SPATA17: variants seen among roughly 807,000 people sequenced by gnomAD.
SPATA17 encodes spermatogenesis-associated protein 17.
In SPATA17, 53 loss-of-function variants were observed where a neutral mutation model predicts 62.2. The ratio of observed to expected loss-of-function variants is 0.85; its 90% confidence interval spans 0.68 to 1.07. The LOEUF (loss-of-function observed/expected upper bound fraction) is 1.07, where lower values mean the gene tolerates loss of function less well. Among genes scored for constraint, SPATA17 ranks in the 50% least tolerant of loss-of-function variants. The pLI is 0.00. For missense variants in SPATA17, 466 were observed against 425.5 expected (o/e 1.10, Z -0.84); for synonymous variants, 146 against 146.8 (o/e 0.99, Z 0.04).
At chr1:217,832,176 G>A (rs1367981778) in intron 9 of SPATA17, among the ~76,000 whole-genome samples, 1 of 151,962 alleles carries the variant, frequency 6.6e-6, no homozygotes, top group African/African-American at 2.4e-5. Flanking sequence ...CTACTTTCCA[G>A]TTCTAATAAC....
At chr1:217,635,288 A>G (rs1425372920) in intron 1 of SPATA17, among the ~76,000 whole-genome samples, 3 of 152,230 alleles carry the variant, frequency 2.0e-5, no homozygotes, top group African/African-American at 7.2e-5. Context: ...CATGTGCCCA[A>G]GGCAGTCCAG....
chr1:217,711,374 A>G (rs1275730994), intron 5 of SPATA17, among the ~76,000 whole-genome samples: 2 of 152,182 alleles, frequency 1.3e-5, no homozygotes, highest in African/African-American at 2.4e-5. Flanking sequence ...TTATGTTTAC[A>G]TATTTTCATG....
chr1:217,669,111 A>G (rs747968501), intron 4 of SPATA17, 28 bp downstream of exon 4: 2 of 1,594,414 alleles, frequency 1.3e-6, no homozygotes, highest in Admixed American at 3.4e-5. Context: ...TGTTAAACAA[A>G]TGAAAAGTCA....
At chr1:217,812,442 T>C (rs987644014) in intron 9 of SPATA17, among the ~76,000 whole-genome samples, 4 of 152,152 alleles carry the variant, frequency 2.6e-5, no homozygotes, top group African/African-American at 9.6e-5. Context: ...GTAGCATATA[T>C]ATAATTTTTG....
chr1:217,836,987 T>A (rs1675275054), intron 9 of SPATA17, among the ~76,000 whole-genome samples: 1 of 152,064 alleles, frequency 6.6e-6, no homozygotes, highest in Admixed American at 6.6e-5. Flanking sequence ...TTTAAAAAAA[T>A]TAAAGATTAA....
chr1:217,780,016 G>A (rs1033894764), intron 7 of SPATA17, among the ~76,000 whole-genome samples: 1 of 152,048 alleles, frequency 6.6e-6, no homozygotes, highest in African/African-American at 2.4e-5. Flanking sequence ...GTCAAGTTAA[G>A]TCTTGGATGA....
chr1:217,861,745 G>A (rs1302752354), intron 9 of SPATA17, among the ~76,000 whole-genome samples: 2 of 152,010 alleles, frequency 1.3e-5, no homozygotes, highest in Non-Finnish European at 2.9e-5. Flanking sequence ...TTTTATCTAA[G>A]CATTTTTATC....
intron 5 of SPATA17, among the ~76,000 whole-genome samples, chr1:217,704,123 A>G (rs1031252488): frequency 1.6e-4 from 24 of 150,268 alleles, no homozygotes; most frequent in Admixed American, 1.6e-3. Context: ...GTATAGGCAA[A>G]TTGCATGTCA....
intron 5 of SPATA17, among the ~76,000 whole-genome samples, chr1:217,724,533 A>C (rs1223351556): frequency 2.6e-5 from 4 of 152,202 alleles, no homozygotes; most frequent in Non-Finnish European, 5.9e-5. Context: ...GGTTGCAGTG[A>C]GCTGAGATTG....
chr1:217,869,167 C>T lies in SPATA17; in HGVS notation c.*2148C>T, dbSNP rs1468254852. 6.6e-6 allele frequency: 1 copy of T among 152,342 alleles called. No individual in the cohort carries two copies. The highest frequency in any genetic ancestry group is 1.5e-5 in the Non-Finnish European group (1 of 68,194). 9.4% of individuals were successfully genotyped at this position (152,342 alleles called of 1,614,324 possible). On this transcript the variant is annotated 3_prime_UTR_variant, in exon 11 of 11. Transcript: ENST00000366933. ...AATACATGGAAGATGTACATTGGTT[C>T]AGTCTGGAAAGGCAGGATGCCTCAA...
At chr1:217,801,452 CATT>C (rs1457840517) in intron 8 of SPATA17, among the ~76,000 whole-genome samples, 18 of 152,204 alleles carry the variant, frequency 1.2e-4, no homozygotes, top group Admixed American at 8.5e-4. Context: ...TATTATTTAA[CATT>C]ATCTCTATAT....
intron 5 of SPATA17, among the ~76,000 whole-genome samples, chr1:217,715,129 T>A (rs998928780): frequency 6.6e-5 from 10 of 152,206 alleles, no homozygotes; most frequent in African/African-American, 2.4e-4. Context: ...CCAAGATGGA[T>A]ATGATAATAT....
rs1265145118 is a variant in SPATA17, at chr1:217,651,089, T to A, written c.159-8T>A. ...AGGATACTAATAAGCATATTTTTTTTATCCTAGGCATTTAAACAGGATTGT... is the reference window on the plus strand; with the variant it reads ...AGGATACTAATAAGCATATTTTTTTAATCCTAGGCATTTAAACAGGATTGT... On this transcript the variant is annotated splice_region_variant and splice_polypyrimidine_tract_variant and intron_variant, in intron 2 of 10. Transcript: ENST00000366933. 1.1e-5 allele frequency: 17 copies of A among 1,593,328 alleles called. No individual in the cohort carries two copies. The highest frequency in any genetic ancestry group is 2.2e-5 in the East Asian group (1 of 44,580).
chr1:217,799,970 C>A (rs1384735608), intron 8 of SPATA17, among the ~76,000 whole-genome samples: 1 of 151,842 alleles, frequency 6.6e-6, no homozygotes, highest in Non-Finnish European at 1.5e-5. Flanking sequence ...CTAAATGTTT[C>A]TTTTATTTAA....
At chr1:217,844,232 T>C (rs1235638159) in intron 9 of SPATA17, among the ~76,000 whole-genome samples, 5 of 152,032 alleles carry the variant, frequency 3.3e-5, no homozygotes, top group Admixed American at 3.3e-4. Context: ...ACCCCTAGTA[T>C]AGGAAATTTA....
chr1:217,776,223 T>C (rs751000406), intron 7 of SPATA17, among the ~76,000 whole-genome samples: 102 of 151,864 alleles, frequency 6.7e-4, no homozygotes, highest in Admixed American at 1.6e-3. Context: ...TGGGGTGGGG[T>C]GAATGATGAT....
chr1:217,672,361 C>G lies in SPATA17; in HGVS notation c.291+3278C>G, dbSNP rs144827664. Among the ~76,000 whole-genome samples the G allele has an allele frequency of 1.3e-4, 20 of 152,290 alleles. No homozygotes were observed. The East Asian group carries it at 2.9e-3, about 22-fold the overall frequency. On this transcript the variant is annotated intron_variant, in intron 4 of 10. Coordinates refer to ENST00000366933, the MANE Select transcript of SPATA17 (RefSeq NM_138796.4). ...AGGGTAACAGATAACTACCAAATAT[C>G]TATATGGCCAATAATATCCAGACAG...
At chr1:217,738,186 A>C (rs1571769812) in intron 5 of SPATA17, among the ~76,000 whole-genome samples, 1 of 152,158 alleles carries the variant, frequency 6.6e-6, no homozygotes, top group East Asian at 1.9e-4. Flanking sequence ...ACCACCCCTC[A>C]GAGTAGTAGG....
intron 9 of SPATA17, among the ~76,000 whole-genome samples, chr1:217,859,023 G>A (rs189674008): frequency 2.1e-4 from 32 of 150,706 alleles, no homozygotes; most frequent in East Asian, 7.8e-4. Flanking sequence ...GCGAGACTCC[G>A]TCTCAAAAAA....
Sources: gnomAD v4.1 joint callset for allele counts (sites outside exome capture counted in the v4.1 genomes callset) on GRCh38, gnomAD v4.1.1 for gene constraint, MANE v1.5 for transcripts, NCBI Gene and HGNC (gene_info 2026-07-23, HGNC 2026-07-21) for gene names.